ANO3: variants seen among roughly 807,000 people sequenced by gnomAD.
The protein encoded by ANO3 is anoctamin-3.
ANO3 carries 99 observed loss-of-function variants against 144.8 expected under a neutral mutation model. The observed-to-expected ratio is 0.68, with a 90% CI of 0.58 to 0.81. The LOEUF is 0.81. Among genes scored for constraint, ANO3 ranks in the 30% least tolerant of loss-of-function variants. The probability of loss-of-function intolerance (pLI) is 0.00; values close to 1 mark genes in which losing one functional copy is unlikely to be tolerated. For synonymous variants in ANO3, 414 were observed against 392.6 expected (o/e 1.05, Z -0.64); for missense variants, 905 against 1,202.2 (o/e 0.75, Z 3.66).
intron 14 of ANO3, chr11:26,572,133 G>C (rs1850853162): frequency 1.0e-6 from 1 of 985,230 alleles, no homozygotes; most frequent in Admixed American, 6.2e-5. Flanking sequence ...AAAACAGATG[G>C]GTTAAGTGTG....
intron 1 of ANO3, among the ~76,000 whole-genome samples, chr11:26,373,253 C>A (rs1455445600): frequency 1.3e-5 from 2 of 152,084 alleles, no homozygotes; most frequent in Admixed American, 6.6e-5. Flanking sequence ...CCCTACATGT[C>A]GAGGGAGGAA....
intron 21 of ANO3, 59 bp from the exon 22 acceptor site, chr11:26,641,837 A>G: frequency 1.4e-5 from 21 of 1,524,624 alleles, no homozygotes; most frequent in Non-Finnish European, 1.7e-5. Context: ...TTCACTATAC[A>G]TTGTTAACCA....
intron 17 of ANO3, among the ~76,000 whole-genome samples, chr11:26,608,243 A>G (rs1851990474): frequency 6.6e-6 from 1 of 151,956 alleles, no homozygotes; most frequent in South Asian, 2.1e-4. Flanking sequence ...GGCCCTATTC[A>G]TTTGGTTCAC....
At position 26,516,850 on chromosome 11, in the gene ANO3, C is replaced by T; in HGVS notation, c.615C>T (p.Ile205=). The stretch of plus-strand genomic sequence containing the variant: ...AGCCAGCTATTGCAAGCCCCGATAT[C>T]ATGTTTATTAAAATTCACATTCCAT... ...EKEPAIASPD[I]MFIKIHIPWD... The change falls in exon 6 of 27, where the codon ATC becomes ATT. Residue 205 remains isoleucine (I), a synonymous_variant. Coordinates refer to ENST00000256737, the MANE Select transcript of ANO3 (RefSeq NM_031418.4). The T allele has an allele frequency of 1.2e-6, 2 of 1,611,506 alleles. No individual in the cohort carries two copies. The highest frequency in any genetic ancestry group is 1.7e-6 in the Non-Finnish European group (2 of 1,178,168).
intron 1 of ANO3, among the ~76,000 whole-genome samples, chr11:26,269,832 A>C (rs1412476516): frequency 6.6e-6 from 1 of 152,218 alleles, no homozygotes; most frequent in East Asian, 1.9e-4. Context: ...CACATATTGA[A>C]ATCCGAAATC....
intron 1 of ANO3, among the ~76,000 whole-genome samples, chr11:26,249,781 A>AAAAGAAAG (rs546224172): frequency 1.3e-5 from 2 of 152,086 alleles, no homozygotes; most frequent in Non-Finnish European, 1.5e-5. Flanking sequence ...AAACAAACAA[A>AAAAGAAAG]AAAGAAAGAA....
Position 26,639,132 on chromosome 11 carries a change from G to A in ANO3, c.2044-12G>A. 6.3e-7 allele frequency: 1 copy of A among 1,577,744 alleles called. No individual in the cohort carries two copies. The highest frequency in any genetic ancestry group is 1.1e-5 in the South Asian group (1 of 90,290). On this transcript the variant is annotated splice_polypyrimidine_tract_variant and intron_variant, in intron 20 of 26. Coordinates refer to ENST00000256737, the MANE Select transcript of ANO3 (RefSeq NM_031418.4). ...AGACCAATATCATTATTGCTCTTAT[G>A]TTCTATTTCAGTGTCATCCTAGTGG...
chr11:26,454,604 G>C (rs528355173), intron 3 of ANO3, among the ~76,000 whole-genome samples: 19 of 151,714 alleles, frequency 1.3e-4, no homozygotes, highest in African/African-American at 4.6e-4. Flanking sequence ...CAACCAAAAA[G>C]AGTCCAGGAC....
intron 14 of ANO3, among the ~76,000 whole-genome samples, chr11:26,596,622 T>C (rs570817179): frequency 1.3e-5 from 2 of 152,284 alleles, no homozygotes; most frequent in African/African-American, 4.8e-5. Context: ...AGATACAACC[T>C]GCTCTAATAC....
chr11:26,603,339 A>G (rs1002311662), intron 17 of ANO3, among the ~76,000 whole-genome samples: 2 of 151,954 alleles, frequency 1.3e-5, no homozygotes, highest in Non-Finnish European at 2.9e-5. Context: ...AATTTTCTAG[A>G]TTTGCTACAA....
At chr11:26,234,572 G>T (rs1405878105) in intron 1 of ANO3, among the ~76,000 whole-genome samples, 2 of 152,076 alleles carry the variant, frequency 1.3e-5, no homozygotes, top group East Asian at 3.9e-4. Flanking sequence ...ACAAGAGAAG[G>T]TACAGACTAA....
At chr11:26,259,300 G>A (rs538430039) in intron 1 of ANO3, among the ~76,000 whole-genome samples, 39 of 152,074 alleles carry the variant, frequency 2.6e-4, no homozygotes, top group South Asian at 8.3e-4. Flanking sequence ...TATCTCTCTC[G>A]TTTGTAAGTA....
intron 8 of ANO3, among the ~76,000 whole-genome samples, chr11:26,534,049 G>T (rs539529715): frequency 2.0e-5 from 3 of 152,272 alleles, no homozygotes; most frequent in Admixed American, 2.0e-4. Flanking sequence ...AGAGCATCAA[G>T]GGAAAGGTAG....
At chr11:26,438,339 A>G (rs927822008) in intron 1 of ANO3, among the ~76,000 whole-genome samples, 6 of 152,112 alleles carry the variant, frequency 3.9e-5, no homozygotes, top group Non-Finnish European at 1.5e-5. Flanking sequence ...AGAAGACACT[A>G]GTAAGATAAT....
chr11:26,567,254 T>A, intron 14 of ANO3: 1 of 632,752 alleles, frequency 1.6e-6, no homozygotes, highest in South Asian at 5.7e-5. Context: ...TAGACTTTTT[T>A]TTCCTCAAGC....
At chr11:26,331,498 A>G (rs978900331), upstream of ANO3, 4 of 152,160 alleles carry the variant, frequency 2.6e-5, no homozygotes, top group African/African-American at 7.2e-5. Flanking sequence ...TTTTTATAAT[A>G]TTAGAATCAT....
rs184990479 is a variant in ANO3 at position 26,544,029 on chromosome 11, A to G, written c.1154+1961A>G. ...TCAGATTTTATTTTATGCAGATGGGAGAATTATTTTAGATATTATGAACAT... is the reference window on the plus strand; with the variant it reads ...TCAGATTTTATTTTATGCAGATGGGGGAATTATTTTAGATATTATGAACAT... On this transcript the variant is annotated intron_variant, in intron 11 of 26. Transcript: ENST00000256737. Among the ~76,000 whole-genome samples the G allele has an allele frequency of 3.7e-4, 56 of 151,620 alleles. 1 individual carries two copies. The highest frequency in any genetic ancestry group is 9.2e-4 in the Admixed American group (14 of 15,160).
intron 16 of ANO3, among the ~76,000 whole-genome samples, chr11:26,599,252 A>T (rs568893459): frequency 6.6e-6 from 1 of 152,320 alleles, no homozygotes; most frequent in African/African-American, 2.4e-5. Context: ...AAATTATATC[A>T]GTTGACCTGA....
intron 19 of ANO3, 66 bp downstream of exon 19, chr11:26,634,381 T>C: frequency 1.0e-6 from 1 of 981,370 alleles, no homozygotes; most frequent in Non-Finnish European, 1.6e-6. Flanking sequence ...TAATTGACGA[T>C]TACTGTTCTT....
Sources: allele counts gnomAD v4.1 joint callset (sites outside exome capture counted in the v4.1 genomes callset), GRCh38; gene constraint gnomAD v4.1.1; transcripts MANE v1.5; gene names NCBI Gene and HGNC (gene_info 2026-07-23, HGNC 2026-07-21).